The following GEN1 variants were observed in gnomAD, a reference collection of about 807,000 sequenced individuals.
GEN1 encodes the protein flap endonuclease GEN homolog 1.
A neutral mutation model predicts 67.6 loss-of-function variants in GEN1; 64 were observed. That is an observed-to-expected ratio of 0.95 (90% CI 0.77 to 1.17). The LOEUF is 1.17. Ranked by LOEUF, GEN1 falls within the 50% of genes most tolerant of loss-of-function variation. The pLI is 0.00. For synonymous variants in GEN1, 371 were observed against 359.4 expected (o/e 1.03, Z -0.37); for missense variants, 1,058 against 1,048.3 (o/e 1.01, Z -0.13).
intron 12 of GEN1, 111 bp downstream of exon 12, chr2:17,778,174 GTATATATATATA>G: frequency 2.4e-6 from 1 of 419,592 alleles, no homozygotes; most frequent in Non-Finnish European, 4.3e-6. Context: ...ATAGATATGT[GTATATATATATA>G]TACACACACA....
chr2:17,777,160 A>G (rs1672470650), intron 11 of GEN1, among the ~76,000 whole-genome samples: 1 of 152,168 alleles, frequency 6.6e-6, no homozygotes, highest in Admixed American at 6.5e-5. Context: ...GTGTTGTTAA[A>G]GGATATACTT....
chr2:17,773,369 C>G (rs1672283109), intron 10 of GEN1, 70 bp downstream of exon 10: 2 of 929,906 alleles, frequency 2.2e-6, no homozygotes, highest in Non-Finnish European at 3.3e-6. Flanking sequence ...GATATTCACT[C>G]TGATTGGTCT....
rs300172 is a variant in GEN1 at position 17,785,154 on chromosome 2, T to G, written c.*3215T>G. The G allele has an allele frequency of 0.65, 98,894 of 151,986 alleles. 32,833 individuals carry two copies. Among genetic ancestry groups the G allele is most frequent in the East Asian group, 0.99 (5,092 of 5,168 alleles). The allele number at this position is 151,986 out of a possible 1,614,324, so 9.4% of individuals were successfully genotyped here. ...GCTTCATCCCACAGCCATCTCCCCC[T>G]CATCATCCGTGGAAAAACTGTTTTC... On this transcript the variant is annotated 3_prime_UTR_variant, in exon 14 of 14. Coordinates refer to ENST00000381254, the MANE Select transcript of GEN1 (RefSeq NM_001130009.3).
At chr2:17,760,448 C>G (rs1056335642) in intron 2 of GEN1, among the ~76,000 whole-genome samples, 2 of 152,144 alleles carry the variant, frequency 1.3e-5, no homozygotes, top group Non-Finnish European at 2.9e-5. Context: ...CCAAAATATA[C>G]TTTGTGTTCA....
chr2:17,778,235 T>C (rs1366186632), intron 12 of GEN1, among the ~76,000 whole-genome samples, 172 bp downstream of exon 12: 2 of 144,086 alleles, frequency 1.4e-5, no homozygotes, highest in African/African-American at 2.6e-5. Flanking sequence ...CACATATATG[T>C]GTGTACATAT....
chr2:17,761,127 G>C (rs1671658174), intron 2 of GEN1, among the ~76,000 whole-genome samples: 1 of 150,830 alleles, frequency 6.6e-6, no homozygotes, highest in Non-Finnish European at 1.5e-5. Context: ...AGCTGCTTGG[G>C]GACTGAGGCA....
chr2:17,758,443 T>A (rs150002853), intron 1 of GEN1, among the ~76,000 whole-genome samples: 2 of 152,354 alleles, frequency 1.3e-5, no homozygotes, highest in Non-Finnish European at 2.9e-5. Flanking sequence ...CTCATTTCTC[T>A]TCATAATAAT....
At chr2:17,778,375 CACAT>C (rs10535310) in intron 12 of GEN1, among the ~76,000 whole-genome samples, 7,256 of 33,118 alleles carry the variant, frequency 0.22, 2,423 homozygotes, top group East Asian at 0.65. Flanking sequence ...TATATACACA[CACAT>C]ATATGTGTGT....
At chr2:17,766,737 G>C in intron 5 of GEN1, 48 bp downstream of exon 5, 2 of 977,934 alleles carry the variant, frequency 2.0e-6, no homozygotes, top group Middle Eastern at 4.1e-4. Context: ...AGTCTTTTTC[G>C]TACTTTATGT....
chr2:17,760,249 C>A, intron 2 of GEN1, 145 bp downstream of exon 2: 1 of 738,846 alleles, frequency 1.4e-6, no homozygotes, highest in Non-Finnish European at 2.1e-6. Flanking sequence ...TCTAGATTCA[C>A]CATCTTTATA....
chr2:17,773,283 A>G lies in GEN1; in HGVS notation c.1055A>G (p.Asp352Gly). The G allele has an allele frequency of 6.3e-7, 1 of 1,590,022 alleles. No homozygotes were observed. The highest frequency in any genetic ancestry group is 1.1e-5 in the South Asian group (1 of 89,342). ...AAGGTTATCAGGTACCAAAGACCTG[A>G]TTTGTTATTGTTTCAGGTATCTGAA... ...LVKVIRYQRP[D>G]LLLFQRFTLE... Residue 352 changes from aspartate to glycine, a missense_variant, in exon 10 of 14, where the codon GAT (aspartate) becomes GGT (glycine). By Grantham distance (94) the Asp-to-Gly change is moderately conservative. Transcript: ENST00000381254.
At position 17,780,024 on chromosome 2, in the gene GEN1, A is replaced by G. The variant is rs1429899986; in HGVS notation, c.1311A>G (p.Leu437=). ...AACAACATGGAGAATTTGCTTTATT[A>G]ACAATTGAGGAAGAATCATTGTTTG... The part of the protein sequence containing the change: ...EDKQHGEFAL[L]TIEEESLFEA... The change falls in exon 13 of 14, where the codon TTA becomes TTG. Residue 437 remains leucine, a synonymous_variant. Transcript: ENST00000381254. The G allele has an allele frequency of 6.2e-7, 1 of 1,603,562 alleles. No homozygotes were observed. The highest frequency in any genetic ancestry group is 1.3e-5 in the African/African-American group (1 of 74,768).
In GEN1 at chr2:17,781,815, C is replaced by G. The variant is rs1490743077; in HGVS notation, c.2603C>G (p.Pro868Arg). 1 of 1,610,894 alleles carries G rather than the reference C, an allele frequency of 6.2e-7. No individual in the cohort carries two copies. Among genetic ancestry groups the G allele is most frequent in the African/African-American group, 1.3e-5 (1 of 74,698 alleles). Reference protein sequence around the residue: ...ETAENEESCFPDSTKSSLSSL... With the variant: ...ETAENEESCFRDSTKSSLSSL... Reference sequence around the variant, plus strand: ...GCTGAAAATGAAGAAAGCTGTTTCCCAGATTCAACAAAAAGTTCTCTGAGT... The same window carrying G: ...GCTGAAAATGAAGAAAGCTGTTTCCGAGATTCAACAAAAAGTTCTCTGAGT... Residue 868 changes from proline to arginine, a missense_variant, in exon 14 of 14, where the codon CCA (proline) becomes CGA (arginine). Coordinates refer to ENST00000381254, the MANE Select transcript of GEN1 (RefSeq NM_001130009.3).
intron 5 of GEN1, among the ~76,000 whole-genome samples, chr2:17,768,201 A>G (rs1019251638): frequency 5.3e-5 from 8 of 152,244 alleles, no homozygotes; most frequent in Non-Finnish European, 1.0e-4. Context: ...AAATTGTGAC[A>G]GGAATATACA....
intron 3 of GEN1, among the ~76,000 whole-genome samples, chr2:17,762,158 T>G (rs1671711972): frequency 6.6e-6 from 1 of 150,606 alleles, no homozygotes; most frequent in Non-Finnish European, 1.5e-5. Flanking sequence ...AGTATATAAT[T>G]AAAACAATAG....
chr2:17,786,868 A>G lies in GEN1; in HGVS notation c.*4929A>G, dbSNP rs891121814. The G allele has an allele frequency of 1.3e-5, 2 of 152,148 alleles. No individual in the cohort carries two copies. The highest frequency in any genetic ancestry group is 2.9e-5 in the Non-Finnish European group (2 of 68,060). The allele number at this position is 152,148 out of a possible 1,614,324, so 9.4% of individuals were successfully genotyped here. A position where few individuals can be genotyped will look rare whatever the true frequency, so the allele number is the denominator to read the frequency against. On this transcript the variant is annotated 3_prime_UTR_variant, in exon 14 of 14. Coordinates refer to ENST00000381254, the MANE Select transcript of GEN1 (RefSeq NM_001130009.3). ...AGTAACTACTAGATGCATGAATGAC[A>G]ATTCTCCACAACGCCCCACCCATGG... is the stretch of plus-strand genomic sequence containing the variant.
rs1672835587 is a variant in GEN1 at position 17,781,530 on chromosome 2, C to T, written c.2318C>T (p.Thr773Ile). 3 of 1,613,774 alleles carry T rather than the reference C, an allele frequency of 1.9e-6. No individual in the cohort carries two copies. The highest frequency in any genetic ancestry group is 2.5e-6 in the Non-Finnish European group (3 of 1,179,960). The change falls in exon 14 of 14, where the codon ACT becomes ATT. Residue 773 changes from threonine to isoleucine, a missense_variant. Transcript: ENST00000381254. ...VKTCNVRPPN[T>I]ALDHSRKVDM... is the part of the protein sequence containing the mutation. The stretch of plus-strand genomic sequence containing the variant: ...ACCTGCAATGTTAGACCACCAAATA[C>T]TGCTTTAGATCATAGTAGAAAAGTT...
intron 2 of GEN1, among the ~76,000 whole-genome samples, chr2:17,760,688 G>A (rs534965342): frequency 4.1e-4 from 62 of 152,262 alleles, no homozygotes; most frequent in African/African-American, 1.2e-3. Context: ...TTGGGAGGCC[G>A]AGGCAGGTGG....
chr2:17,773,336 T>A (rs1672281962), intron 10 of GEN1, 37 bp downstream of exon 10: 1 of 1,261,760 alleles, frequency 7.9e-7, no homozygotes, highest in Admixed American at 2.0e-5. Context: ...TGTATGAAGT[T>A]ATATGCTGGA....
Sources: gnomAD v4.1 joint callset for allele counts (sites outside exome capture counted in the v4.1 genomes callset) on GRCh38, gnomAD v4.1.1 for gene constraint, MANE v1.5 for transcripts, NCBI Gene and HGNC (gene_info 2026-07-23, HGNC 2026-07-21) for gene names.